The following SEMA6D variants were observed in gnomAD, a reference collection of about 807,000 sequenced individuals.
SEMA6D encodes semaphorin 6D, also known as semaphorin-6D.
SEMA6D carries 35 observed loss-of-function variants against 106.6 expected under a neutral mutation model. The observed-to-expected ratio is 0.33, with a 90% CI of 0.25 to 0.44. The LOEUF is 0.44. SEMA6D is among the 20% of genes least tolerant of loss of function. The pLI, the probability that SEMA6D is intolerant of heterozygous loss-of-function variation, is 1.00. For missense variants in SEMA6D, 1,185 were observed against 1,345.9 expected (o/e 0.88, Z 1.87); for synonymous variants, 499 against 487.7 (o/e 1.02, Z -0.31).
chr15:47,489,692 C>T (rs1205749172), intron 3 of SEMA6D, among the ~76,000 whole-genome samples: 3 of 151,916 alleles, frequency 2.0e-5, no homozygotes, highest in African/African-American at 4.8e-5. Flanking sequence ...TGCTCTCTTG[C>T]CCAGGCTGGA....
chr15:47,344,502 C>T (rs118170834), intron 1 of SEMA6D, among the ~76,000 whole-genome samples: 2 of 152,074 alleles, frequency 1.3e-5, no homozygotes, highest in East Asian at 1.9e-4. Context: ...TTCCAGGCCA[C>T]TATGCAGGGA....
chr15:47,746,234 G>A (rs2081124574), intron 1 of SEMA6D, among the ~76,000 whole-genome samples: 1 of 152,182 alleles, frequency 6.6e-6, no homozygotes. Flanking sequence ...TTTAAAGCAT[G>A]ACATCACCTG....
At chr15:47,326,699 C>T (rs530389530) in intron 1 of SEMA6D, among the ~76,000 whole-genome samples, 6 of 152,258 alleles carry the variant, frequency 3.9e-5, no homozygotes, top group African/African-American at 1.4e-4. Context: ...TGTTAAGCAC[C>T]GCTTGTTGAA....
At chr15:47,389,008 AAAGT>A (rs141007102) in intron 1 of SEMA6D, among the ~76,000 whole-genome samples, 17,691 of 152,198 alleles carry the variant, frequency 0.12, 1,129 homozygotes, top group East Asian at 0.28. Context: ...ATTTGGTGCA[AAAGT>A]AAGTAATGTT....
intron 1 of SEMA6D, among the ~76,000 whole-genome samples, chr15:47,268,248 A>G (rs1347959468): frequency 2.6e-5 from 4 of 152,214 alleles, no homozygotes; most frequent in Non-Finnish European, 5.9e-5. Context: ...AGGCATGAGA[A>G]TTATTCTAAA....
intron 4 of SEMA6D, among the ~76,000 whole-genome samples, chr15:47,690,564 T>C (rs2078564463): frequency 6.6e-6 from 1 of 152,166 alleles, no homozygotes; most frequent in South Asian, 2.1e-4. Context: ...AAATCATTTT[T>C]TTCTTGATTC....
chr15:47,622,201 CA>C (rs199839582), intron 4 of SEMA6D, among the ~76,000 whole-genome samples: 9,693 of 62,766 alleles, frequency 0.15, 337 homozygotes, highest in African/African-American at 0.25. Flanking sequence ...GAAACCCAGC[CA>C]AAAAAAAAAA....
intron 3 of SEMA6D, among the ~76,000 whole-genome samples, chr15:47,486,799 G>C (rs745649493): frequency 6.6e-5 from 10 of 152,174 alleles, no homozygotes; most frequent in Non-Finnish European, 2.9e-5. Context: ...TACTACCATT[G>C]ACTACAGATG....
At position 47,763,862 on chromosome 15, in the gene SEMA6D, C is replaced by T. The variant is rs543020539; in HGVS notation, c.760C>T (p.Arg254Cys). ...ATCCGTTGGGCAGGCTGTGTATTCC[C>T]GCGTGGCCCGCATATGTAAAAACGA... ...HNNLGKAVYS[R>C]VARICKNDMG... is the part of the protein sequence containing the mutation. Residue 254 changes from arginine to cysteine, a missense_variant, in exon 10 of 19, where the codon CGC becomes TGC. By Grantham distance (180) the Arg-to-Cys change is radical. This residue lies in a region of SEMA6D where 291 missense variants were observed against 423.8 expected (regional missense o/e 0.69). Transcript: ENST00000536845. 5 of 1,612,962 alleles carry T rather than the reference C, an allele frequency of 3.1e-6. No homozygotes were observed. The highest frequency in any genetic ancestry group is 1.3e-5 in the African/African-American group (1 of 74,998).
chr15:47,434,640 C>A (rs1156567903), intron 2 of SEMA6D, among the ~76,000 whole-genome samples: 1 of 152,106 alleles, frequency 6.6e-6, no homozygotes. Context: ...TGAGTCAAGT[C>A]TGTATTTGAT....
intron 4 of SEMA6D, among the ~76,000 whole-genome samples, chr15:47,620,983 A>G (rs991834475): frequency 1.3e-5 from 2 of 152,090 alleles, no homozygotes; most frequent in African/African-American, 4.8e-5. Context: ...ATGAAGAAGA[A>G]GAACACACAG....
chr15:47,498,219 C>T (rs1010073461), intron 3 of SEMA6D, among the ~76,000 whole-genome samples: 11 of 152,080 alleles, frequency 7.2e-5, no homozygotes, highest in Non-Finnish European at 1.3e-4. Flanking sequence ...TGATTATAAC[C>T]TGGATTTCCA....
At chr15:47,340,673 T>C (rs1230992712) in intron 1 of SEMA6D, among the ~76,000 whole-genome samples, 2 of 152,250 alleles carry the variant, frequency 1.3e-5, no homozygotes, top group Admixed American at 6.5e-5. Context: ...ACATCATGCC[T>C]ACGTGAGATT....
At position 47,427,927 on chromosome 15, in the gene SEMA6D, G is replaced by A. The variant is rs1215349433; in HGVS notation, c.-159+15455G>A. On this transcript the variant is annotated intron_variant, in intron 2 of 19. Coordinates refer to the SEMA6D transcript ENST00000558014. ...CTTTCTCTGAGGAGCCTGAGAAATT[G>A]TATATTCTTCTTAGGGAAAAGATAA... Among the ~76,000 whole-genome samples, 3 of 152,050 alleles carry A rather than the reference G, an allele frequency of 2.0e-5. No homozygotes were observed. In the East Asian group the frequency reaches 5.8e-4, roughly 29 times the overall value.
At chr15:47,646,144 A>G (rs1488652357) in intron 4 of SEMA6D, among the ~76,000 whole-genome samples, 2 of 152,108 alleles carry the variant, frequency 1.3e-5, no homozygotes, top group African/African-American at 2.4e-5. Context: ...GGGTGGGGCC[A>G]ATAGTCCCAA....
At chr15:47,486,389 G>A (rs1201499532) in intron 3 of SEMA6D, among the ~76,000 whole-genome samples, 1 of 152,218 alleles carries the variant, frequency 6.6e-6, no homozygotes, top group Non-Finnish European at 1.5e-5. Flanking sequence ...GAGCACTGTA[G>A]GCAAAGGTCT....
intron 3 of SEMA6D, chr15:47,527,536 A>G (rs2044803238): frequency 6.6e-6 from 1 of 152,208 alleles, no homozygotes; most frequent in African/African-American, 2.4e-5. Flanking sequence ...TGTGTTTGAG[A>G]TTCTTACAGA....
intron 1 of SEMA6D, among the ~76,000 whole-genome samples, chr15:47,285,012 A>T (rs2035298059): frequency 6.6e-6 from 1 of 151,866 alleles, no homozygotes; most frequent in African/African-American, 2.4e-5. Flanking sequence ...GAGCTCCATG[A>T]CTCCTAGTGT....
At chr15:47,378,821 C>G (rs1429466291) in intron 1 of SEMA6D, among the ~76,000 whole-genome samples, 1 of 152,196 alleles carries the variant, frequency 6.6e-6, no homozygotes, top group Non-Finnish European at 1.5e-5. Context: ...AAACTGCTCT[C>G]TGGGCCAGTT....
Sources: gnomAD v4.1 joint callset for allele counts (sites outside exome capture counted in the v4.1 genomes callset) on GRCh38, gnomAD v4.1.1 for gene constraint, gnomAD v4.1.1 regional missense constraint, MANE v1.5 for transcripts, NCBI Gene and HGNC (gene_info 2026-07-23, HGNC 2026-07-21) for gene names.